TG: variants seen among roughly 807,000 people sequenced by gnomAD.
TG encodes thyroid hormones.
A neutral mutation model predicts 324.7 loss-of-function variants in TG; 270 were observed. The observed-to-expected ratio is 0.83, with a 90% CI of 0.75 to 0.92. The LOEUF (loss-of-function observed/expected upper bound fraction) is 0.92. TG is among the 40% of genes least tolerant of loss of function. TG has a pLI of 0.00. For synonymous variants in TG, 1,401 were observed against 1,327.0 expected, an observed-to-expected ratio of 1.06 and a Z score of -1.21; for missense variants, 3,591 against 3,456.4, an observed-to-expected ratio of 1.04 and a Z score of -0.98.
intron 5 of TG, among the ~76,000 whole-genome samples, chr8:132,874,862 T>C (rs1023457254): frequency 3.2e-4 from 48 of 152,160 alleles, no homozygotes; most frequent in African/African-American, 1.1e-3. Flanking sequence ...GACACTGGCT[T>C]TACTGCTCTT....
At chr8:132,993,014 C>T (rs1017713238) in intron 35 of TG, among the ~76,000 whole-genome samples, 3 of 152,132 alleles carry the variant, frequency 2.0e-5, no homozygotes, top group South Asian at 2.1e-4. Context: ...AAATATTTAC[C>T]GAATGAATGA....
intron 8 of TG, 169 bp downstream of exon 8, chr8:132,883,168 A>G: frequency 1.5e-6 from 1 of 685,584 alleles, no homozygotes; most frequent in African/African-American, 1.8e-5. Context: ...AACTTCCAAC[A>G]TGTTTCTCAT....
intron 45 of TG, among the ~76,000 whole-genome samples, chr8:133,129,393 T>C (rs759826708): frequency 6.6e-6 from 1 of 152,230 alleles, no homozygotes; most frequent in Non-Finnish European, 1.5e-5. Flanking sequence ...AGCACCATGC[T>C]CAGTGATATC....
At chr8:133,051,122 G>T (rs1840331965) in intron 41 of TG, among the ~76,000 whole-genome samples, 1 of 152,176 alleles carries the variant, frequency 6.6e-6, no homozygotes, top group Non-Finnish European at 1.5e-5. Context: ...CAGGTGACAT[G>T]CTCCTATTCT....
At position 132,869,841 on chromosome 8, in the gene TG, G is replaced by C. The variant is rs781091431; in HGVS notation, c.274+15G>C. ...GCCTGTGGCTTGTAAGTGGGAGTGG[G>C]GGACGTCCCTTGGAGGGACCCTGCT... On this transcript the variant is annotated intron_variant, in intron 3 of 47. Coordinates refer to ENST00000220616, the MANE Select transcript of TG (RefSeq NM_003235.5). 2 of 1,612,194 alleles carry C rather than the reference G, an allele frequency of 1.2e-6. No homozygotes were observed. Among genetic ancestry groups the C allele is most frequent in the South Asian group, 2.2e-5 (2 of 91,034 alleles).
At chr8:133,094,798 T>A (rs1848161494) in intron 41 of TG, 2 of 581,264 alleles carry the variant, frequency 3.4e-6, no homozygotes, top group Non-Finnish European at 6.2e-6. Context: ...AAGGTTCCCT[T>A]GTGCAGCACC....
At chr8:133,113,333 G>A in intron 43 of TG, 89 bp from the exon 44 acceptor site, 2 of 1,510,662 alleles carry the variant, frequency 1.3e-6, no homozygotes, top group Non-Finnish European at 9.1e-7. Flanking sequence ...GCTTCCCAGA[G>A]AGAAAATTCT....
chr8:132,991,983 C>T (rs545012642), intron 35 of TG, among the ~76,000 whole-genome samples: 21 of 152,248 alleles, frequency 1.4e-4, no homozygotes, highest in Non-Finnish European at 2.6e-4. Flanking sequence ...TCCCAGTTCC[C>T]TTCCTTCCTG....
rs1173685713 is a variant in TG, at chr8:132,963,015, C to T, written c.5489C>T (p.Pro1830Leu). 10 of 1,613,882 alleles carry T rather than the reference C, an allele frequency of 6.2e-6. No individual in the cohort carries two copies. In the Admixed American group the frequency reaches 1.3e-4, roughly 22 times the overall value. The change falls in exon 29 of 48, where the codon CCT (proline) becomes CTT (leucine). Residue 1830 changes from proline to leucine, a missense_variant. By Grantham distance (98) the Pro-to-Leu change is moderately conservative (BLOSUM62 -3). Coordinates refer to ENST00000220616, the MANE Select transcript of TG (RefSeq NM_003235.5). ...CTAGATTCTGACATGGGGTCTCGGCCTGAGTCTATGGGATGTAGAAAAGAC... is the reference window on the plus strand; with the variant it reads ...CTAGATTCTGACATGGGGTCTCGGCTTGAGTCTATGGGATGTAGAAAAGAC... ...LWKDSDMGSR[P>L]ESMGCRKDTV...
chr8:133,094,439 A>T (rs1564183302), intron 41 of TG, among the ~76,000 whole-genome samples: 3 of 151,894 alleles, frequency 2.0e-5, no homozygotes, highest in South Asian at 4.2e-4. Context: ...ATGGGGTTTC[A>T]CTGTGTTAGC....
chr8:132,899,585 G>A (rs912010518), intron 14 of TG, among the ~76,000 whole-genome samples: 8 of 152,288 alleles, frequency 5.3e-5, no homozygotes, highest in Middle Eastern at 3.4e-3. Context: ...ATTATTGTTT[G>A]GTACTGTAAA....
intron 11 of TG, among the ~76,000 whole-genome samples, chr8:132,897,421 TA>T (rs1203067041): frequency 2.0e-5 from 3 of 152,224 alleles, no homozygotes; most frequent in Non-Finnish European, 2.9e-5. Flanking sequence ...AGGTCTACTA[TA>T]ATATTCTTTC....
chr8:132,925,767 C>T lies in TG; in HGVS notation c.4699+2259C>T, dbSNP rs961152797. ...AGTCCTGGGATTATTGTCTTACGTG[C>T]TCTGAGCTCTCTTTGCATCTCTGTC... On this transcript the variant is annotated intron_variant, in intron 22 of 47. Coordinates refer to ENST00000220616, the MANE Select transcript of TG (RefSeq NM_003235.5). Among the ~76,000 whole-genome samples, 124 of 152,248 alleles carry T rather than the reference C, an allele frequency of 8.1e-4. 1 individual carries two copies. Among genetic ancestry groups the T allele is most frequent in the African/African-American group, 2.9e-3 (121 of 41,538 alleles).
chr8:132,945,795 G>A (rs916425400), intron 26 of TG, among the ~76,000 whole-genome samples: 1 of 152,116 alleles, frequency 6.6e-6, no homozygotes, highest in Non-Finnish European at 1.5e-5. Flanking sequence ...GTGGGAGAGC[G>A]TTGCATGGTG....
rs150878905 is a variant in TG at position 132,871,630 on chromosome 8, G to A, written c.478+79G>A. On this transcript the variant is annotated intron_variant, in intron 4 of 47. Coordinates refer to ENST00000220616, the MANE Select transcript of TG (RefSeq NM_003235.5). ...CCTCACTGCGATCCAACACATTTAGGGTTTCCTGCCGAAGTGGGCAGAGAA... is the reference window on the plus strand; with the variant it reads ...CCTCACTGCGATCCAACACATTTAGAGTTTCCTGCCGAAGTGGGCAGAGAA... The A allele has an allele frequency of 1.1e-3, 1,613 of 1,456,638 alleles. 3 individuals carry two copies. Among genetic ancestry groups the A allele is most frequent in the Non-Finnish European group, 1.4e-3 (1,495 of 1,067,412 alleles). 90.2% of individuals were successfully genotyped at this position (1,456,638 alleles called of 1,614,324 possible).
chr8:132,888,872 T>A (rs1485255996), intron 10 of TG, among the ~76,000 whole-genome samples: 1 of 152,248 alleles, frequency 6.6e-6, no homozygotes, highest in Non-Finnish European at 1.5e-5. Flanking sequence ...ATCTTAGAGC[T>A]GATGAAGGCT....
At position 133,022,001 on chromosome 8, in the gene TG, C is replaced by T. The variant is rs1848156106; in HGVS notation, c.6887C>T (p.Ala2296Val). The T allele has an allele frequency of 2.5e-6, 4 of 1,614,194 alleles. No individual in the cohort carries two copies. The highest frequency in any genetic ancestry group is 2.2e-5 in the East Asian group (1 of 44,872). ...CTCCAATACCCACAGGCCCCTAACG[C>T]GTCTGTGCTGGTGTTCTTCCACAAC... ...VFIPQNVAPN[A>V]SVLVFFHNTM... The change falls in exon 40 of 48, where the codon GCG becomes GTG. Residue 2296 changes from alanine to valine, a missense_variant. By Grantham distance (64) the Ala-to-Val change is moderately conservative. Coordinates refer to ENST00000220616, the MANE Select transcript of TG (RefSeq NM_003235.5).
chr8:133,019,344 A>C (rs1357964469), intron 38 of TG, among the ~76,000 whole-genome samples: 2 of 152,260 alleles, frequency 1.3e-5, no homozygotes, highest in East Asian at 3.8e-4. Context: ...TTGCATCAGC[A>C]GACTTCTCTA....
chr8:132,918,146 G>A (rs916309302), intron 20 of TG, among the ~76,000 whole-genome samples: 1 of 152,114 alleles, frequency 6.6e-6, no homozygotes, highest in Admixed American at 6.5e-5. Flanking sequence ...GTCAGAGACG[G>A]AGAGAACCGG....
Sources: gnomAD v4.1 joint callset for allele counts (sites outside exome capture counted in the v4.1 genomes callset) on GRCh38, gnomAD v4.1.1 for gene constraint, MANE v1.5 for transcripts, NCBI Gene and HGNC (gene_info 2026-07-23, HGNC 2026-07-21) for gene names.